Variants in PIK3IP1 observed in about 807,000 individuals in gnomAD.
PIK3IP1 encodes the protein phosphoinositide-3-kinase-interacting protein 1.
In PIK3IP1, 28 loss-of-function variants were observed where a neutral mutation model predicts 30.7. The ratio of observed to expected loss-of-function variants is 0.91; its 90% CI spans 0.68 to 1.25. The LOEUF (loss-of-function observed/expected upper bound fraction) is 1.25. PIK3IP1 is among the 50% of genes most tolerant of loss of function. The pLI is 0.00. For missense variants in PIK3IP1, 333 were observed against 346.2 expected, an observed-to-expected ratio of 0.96 and a Z score of 0.30; for synonymous variants, 159 against 140.8, an observed-to-expected ratio of 1.13 and a Z score of -0.91.
At position 31,292,391 on chromosome 22, in the gene PIK3IP1, C is replaced by T; in HGVS notation, c.-47G>A. On this transcript the variant is annotated 5_prime_UTR_variant, in exon 1 of 6. Coordinates refer to ENST00000215912, the MANE Select transcript of PIK3IP1 (RefSeq NM_052880.5). ...GGTGATTGAACGACCAGTGTTTAAC[C>T]GAGGCCCCCTTGGCGGCGGCTCTGC... 1 of 1,584,676 alleles carries T rather than the reference C, an allele frequency of 6.3e-7. No individual in the cohort carries two copies. Among genetic ancestry groups the T allele is most frequent in the Non-Finnish European group, 8.7e-7 (1 of 1,153,618 alleles).
rs2123881817 is a variant in PIK3IP1, at chr22:31,281,644, C to A, written c.*1440G>T. On this transcript the variant is annotated 3_prime_UTR_variant, in exon 6 of 6. Coordinates refer to ENST00000215912, the MANE Select transcript of PIK3IP1 (RefSeq NM_052880.5). ...GTCAAATGCAGAGCAATTTCCCACA[C>A]TATATGCAGGTGTCAGAATGAGGTA... 1 of 152,242 alleles carries A rather than the reference C, an allele frequency of 6.6e-6. No individual in the cohort carries two copies. Among genetic ancestry groups the A allele is most frequent in the South Asian group, 2.1e-4 (1 of 4,800 alleles). 9.4% of individuals were successfully genotyped at this position (152,242 alleles called of 1,614,324 possible).
In PIK3IP1 at chr22:31,292,479, C is replaced by CT. The variant is rs1569013682; in HGVS notation, c.-136dup. The CT allele has an allele frequency of 7.3e-6, 5 of 689,484 alleles. No homozygotes were observed. In the East Asian group the frequency reaches 1.3e-4, roughly 18 times the overall value. 42.7% of individuals were successfully genotyped at this position (689,484 alleles called of 1,614,324 possible). A position where few individuals can be genotyped will look rare whatever the true frequency, so the allele number is the denominator to read the frequency against. On this transcript the variant is annotated 5_prime_UTR_variant, in exon 1 of 6. Coordinates refer to ENST00000215912, the MANE Select transcript of PIK3IP1 (RefSeq NM_052880.5). ...TATGCTGTTCTGGTAAACAGCCTCT[C>CT]TTTAGAACTGGGAGCTTCCCAGCTA...
intron 5 of PIK3IP1, 106 bp downstream of exon 5, chr22:31,289,209 C>A: frequency 8.9e-7 from 1 of 1,124,896 alleles, no homozygotes; most frequent in South Asian, 1.3e-5. Context: ...ACATCTTGAG[C>A]TGATTTTCAA....
At position 31,290,720 on chromosome 22, in the gene PIK3IP1, T is replaced by TAGCCTCACCCC. The variant is rs1222687656; in HGVS notation, c.307+234_307+244dup. 1.8e-5 allele frequency: 9 copies of TAGCCTCACCCC among 512,444 alleles called. No individual in the cohort carries two copies. The East Asian group carries it at 2.2e-4, about 12-fold the overall frequency. The allele number at this position is 512,444 out of a possible 1,614,324, so 31.7% of individuals were successfully genotyped here. ...CCTCAGGACGCGCGGCGGAGAGACCTAGCCTCACCCCAGCCTCGCCCCGCG... is the reference window on the plus strand; with the variant it reads ...CCTCAGGACGCGCGGCGGAGAGACCTAGCCTCACCCCAGCCTCACCCCAGCCTCGCCCCGCG... On this transcript the variant is annotated intron_variant, in intron 3 of 5. Coordinates refer to ENST00000215912, the MANE Select transcript of PIK3IP1 (RefSeq NM_052880.5).
In PIK3IP1 at chr22:31,289,695, G is replaced by A; in HGVS notation, c.312C>T (p.Thr104=). Residue 104 remains threonine (T), a synonymous_variant, in exon 4 of 6, where the codon ACC becomes ACT. Transcript: ENST00000215912. ...RPCEDLRCPE[T]TSQALPAFTT... ...TGAAGGCTGGCAGGGCCTGGGAGGT[G>A]GTCTCTGGAGATGAGGTGGGAAACA... The A allele has an allele frequency of 6.4e-7, 1 of 1,552,090 alleles. No homozygotes were observed. The highest frequency in any genetic ancestry group is 8.7e-7 in the Non-Finnish European group (1 of 1,147,136).
intron 3 of PIK3IP1, 28 bp from the exon 4 acceptor site, chr22:31,289,727 A>C: frequency 2.6e-6 from 4 of 1,550,294 alleles, no homozygotes; most frequent in Non-Finnish European, 3.5e-6. Context: ...AACAGCTCTC[A>C]TCAGGGACTG....
chr22:31,289,156 G>T, intron 5 of PIK3IP1, 159 bp downstream of exon 5: 1 of 699,352 alleles, frequency 1.4e-6, no homozygotes, highest in East Asian at 2.7e-5. Context: ...CAAAGGAAAG[G>T]GTTTGTCCAA....
rs1441763134 is a variant in PIK3IP1, at chr22:31,289,305, A to G, written c.587+10T>C. 3 of 1,613,460 alleles carry G rather than the reference A, an allele frequency of 1.9e-6. No homozygotes were observed. The highest frequency in any genetic ancestry group is 2.5e-6 in the Non-Finnish European group (3 of 1,179,508). On this transcript the variant is annotated intron_variant, in intron 5 of 5. Coordinates refer to ENST00000215912, the MANE Select transcript of PIK3IP1 (RefSeq NM_052880.5). ...TCCTCCTAAGAGGGCCCAGAAGAGA[A>G]GCTACTGACCTCTTGTAGGAGTAGC...
At chr22:31,292,147 C>T in intron 1 of PIK3IP1, 128 bp downstream of exon 1, 1 of 884,332 alleles carries the variant, frequency 1.1e-6, no homozygotes, top group Non-Finnish European at 1.8e-6. Context: ...GGTGGAAAAG[C>T]TTTCACGGGA....
At chr22:31,284,025 C>T (rs151200777) in intron 5 of PIK3IP1, among the ~76,000 whole-genome samples, 10 of 152,258 alleles carry the variant, frequency 6.6e-5, no homozygotes, top group African/African-American at 2.4e-4. Flanking sequence ...CTGCCTCAGC[C>T]TCCCAAGTAG....
chr22:31,291,319 G>A, intron 1 of PIK3IP1, 23 bp from the exon 2 acceptor site: 1 of 1,551,148 alleles, frequency 6.4e-7, no homozygotes, highest in South Asian at 1.2e-5. Flanking sequence ...GAAGCCCCCG[G>A]ACACAGAATA....
Position 31,291,003 on chromosome 22 carries a change from A to T in PIK3IP1, c.269T>A (p.Val90Asp). The change falls in exon 3 of 6, where the codon GTC becomes GAC. Residue 90 changes from valine (V) to aspartate (D), a missense_variant. Physicochemically the swap from Val to Asp is radical, Grantham distance 152 (BLOSUM62 -3). This residue lies in a region of PIK3IP1 where 217 missense variants were observed against 227.7 expected (regional missense o/e 0.95). Transcript: ENST00000215912. ...GTCCTCGCAAGGCCGTTTCTCAGGG[A>T]CGCCGGCCTCGCCACTGACGTAGCA... ...PWCYVSGEAGVPEKRPCEDLR... is the reference protein window; with the variant it reads ...PWCYVSGEAGDPEKRPCEDLR... 6.2e-7 allele frequency: 1 copy of T among 1,600,756 alleles called. No homozygotes were observed. Among genetic ancestry groups the T allele is most frequent in the Non-Finnish European group, 8.5e-7 (1 of 1,174,008 alleles).
intron 5 of PIK3IP1, among the ~76,000 whole-genome samples, chr22:31,284,641 A>G (rs1185736807): frequency 2.0e-5 from 3 of 152,218 alleles, no homozygotes; most frequent in Admixed American, 6.5e-5. Context: ...GTTGTGTGGC[A>G]GCCAAGAAAG....
intron 5 of PIK3IP1, among the ~76,000 whole-genome samples, chr22:31,284,753 C>G (rs765209724): frequency 1.1e-4 from 16 of 152,176 alleles, no homozygotes; most frequent in Non-Finnish European, 7.3e-5. Context: ...TAAGACCTCC[C>G]TCTGAAGCTA....
chr22:31,282,070 A>G lies in PIK3IP1; in HGVS notation c.*1014T>C, dbSNP rs2049093944. On this transcript the variant is annotated 3_prime_UTR_variant, in exon 6 of 6. Transcript: ENST00000215912. ...ATGAGCCCTTTCTAATGGTTCTTTG[A>G]TTGCTTTATGAGTTAGGGGCTGTGA... is the stretch of plus-strand genomic sequence containing the variant. The G allele has an allele frequency of 6.6e-6, 1 of 152,108 alleles. No homozygotes were observed. The highest frequency in any genetic ancestry group is 1.5e-5 in the Non-Finnish European group (1 of 68,054). The allele number at this position is 152,108 out of a possible 1,614,324, so 9.4% of individuals were successfully genotyped here.
In PIK3IP1 at chr22:31,289,354, G is replaced by A. The variant is rs772737278; in HGVS notation, c.548C>T (p.Ala183Val). The change falls in exon 5 of 6, where the codon GCC becomes GTC. Residue 183 changes from alanine to valine, a missense_variant. Ala to Val is a moderately conservative substitution (Grantham distance 64). This residue lies in a region of PIK3IP1 where 217 missense variants were observed against 227.7 expected (regional missense o/e 0.95). Coordinates refer to ENST00000215912, the MANE Select transcript of PIK3IP1 (RefSeq NM_052880.5). ...GCCCAAGATGATGCCAGCTCCGATG[G>A]CAATGATGATCACCATCATGGTAAT... is the stretch of plus-strand genomic sequence containing the variant. ...LGITMMVIIIAIGAGIILGYS... is the reference protein window; with the variant it reads ...LGITMMVIIIVIGAGIILGYS... 4 of 1,613,472 alleles carry A rather than the reference G, an allele frequency of 2.5e-6. No individual in the cohort carries two copies. Among genetic ancestry groups the A allele is most frequent in the Admixed American group, 3.3e-5 (2 of 59,838 alleles).
At position 31,290,807 on chromosome 22, in the gene PIK3IP1, C is replaced by T. The variant is rs1052784484; in HGVS notation, c.307+158G>A. On this transcript the variant is annotated intron_variant, in intron 3 of 5. Coordinates refer to ENST00000215912, the MANE Select transcript of PIK3IP1 (RefSeq NM_052880.5). ...ACGAGTGGCGGCGGCGGCCAATAGG[C>T]TTTGAGCCCCGCGGCCTGGAGACAG... The T allele has an allele frequency of 7.8e-6, 9 of 1,147,376 alleles. No homozygotes were observed. In the Admixed American group the frequency reaches 3.0e-4, roughly 38 times the overall value. 71.1% of individuals were successfully genotyped at this position (1,147,376 alleles called of 1,614,324 possible).
At chr22:31,289,123 T>G (rs2049152989) in intron 5 of PIK3IP1, 192 bp downstream of exon 5, 2 of 625,362 alleles carry the variant, frequency 3.2e-6, no homozygotes, top group Non-Finnish European at 5.8e-6. Context: ...CTCACAAGGC[T>G]TTTAAGTGAG....
In PIK3IP1 at chr22:31,289,530, G is replaced by T; in HGVS notation, c.477C>A (p.Asn159Lys). 1 of 1,542,434 alleles carries T rather than the reference G, an allele frequency of 6.5e-7. No homozygotes were observed. The highest frequency in any genetic ancestry group is 8.8e-7 in the Non-Finnish European group (1 of 1,142,034). Reference sequence around the variant, plus strand: ...TTCCCAGGTCCTTTTTCTCCTTGGAGTTCATCCGCACCCGCTGGCTGATCC... The same window carrying T: ...TTCCCAGGTCCTTTTTCTCCTTGGATTTCATCCGCACCCGCTGGCTGATCC... ...VIGISQRVRM[N>K]SKEKKDLGTL... is the part of the protein sequence containing the mutation. The change falls in exon 4 of 6, where the codon AAC becomes AAA. Residue 159 changes from asparagine to lysine, a missense_variant. Asn to Lys is a moderately conservative substitution (Grantham distance 94, BLOSUM62 0). Around this residue, in one of 3 missense-constraint regions of PIK3IP1, gnomAD observed 217 missense variants for 227.7 expected, o/e 0.95. Transcript: ENST00000215912.
Sources: gnomAD v4.1 joint callset for allele counts (sites outside exome capture counted in the v4.1 genomes callset) on GRCh38, gnomAD v4.1.1 for gene constraint, gnomAD v4.1.1 regional missense constraint, MANE v1.5 for transcripts, NCBI Gene and HGNC (gene_info 2026-07-23, HGNC 2026-07-21) for gene names.